Variants in RPA1 observed in about 807,000 individuals in gnomAD.
RPA1 encodes replication protein A1.
In RPA1, 49 loss-of-function variants were observed where a neutral mutation model predicts 83.0. The ratio of observed to expected loss-of-function variants is 0.59; its 90% CI spans 0.47 to 0.75. RPA1 has a LOEUF of 0.75. Among genes scored for constraint, RPA1 ranks in the 30% least tolerant of loss-of-function variants. RPA1 has a pLI of 0.00. For synonymous variants in RPA1, 279 were observed against 281.8 expected (o/e 0.99, Z 0.10); for missense variants, 693 against 776.1 (o/e 0.89, Z 1.27).
intron 13 of RPA1, among the ~76,000 whole-genome samples, chr17:1,887,946 T>C (rs17339060): frequency 1.2e-4 from 19 of 152,170 alleles, no homozygotes; most frequent in African/African-American, 4.6e-4. Context: ...TTACTGTCTT[T>C]ATGTGACACA....
intron 14 of RPA1, among the ~76,000 whole-genome samples, chr17:1,889,550 A>G (rs1914127825): frequency 1.3e-5 from 2 of 152,068 alleles, no homozygotes; most frequent in Admixed American, 1.3e-4. Flanking sequence ...TCTGCTGTTC[A>G]GGTTGGTCTC....
In RPA1 at chr17:1,880,924, A is replaced by AAGTG. The variant is rs1218884177; in HGVS notation, c.1241+234_1241+237dup. Among the ~76,000 whole-genome samples, 6 of 152,334 alleles carry AAGTG rather than the reference A, an allele frequency of 3.9e-5. No homozygotes were observed. In the East Asian group the frequency reaches 1.2e-3, roughly 29 times the overall value. ...GAGTCGGAGGAGGCAATTAGCATGT[A>AAGTG]AGTGCTGCCTGCTGACCTCGATCCT... is the stretch of plus-strand genomic sequence containing the variant. On this transcript the variant is annotated intron_variant, in intron 12 of 16. Coordinates refer to ENST00000254719, the MANE Select transcript of RPA1 (RefSeq NM_002945.5).
In RPA1 at chr17:1,879,107, T is replaced by C. The variant is rs535444280; in HGVS notation, c.759+46T>C. On this transcript the variant is annotated intron_variant, in intron 9 of 16. Transcript: ENST00000254719. ...GAACTGACACCGCCTGGGGGTGGAG[T>C]GCGGATGAAAAGACGCTGGCCCAGG... is the stretch of plus-strand genomic sequence containing the variant. 12 of 1,612,350 alleles carry C rather than the reference T, an allele frequency of 7.4e-6. No individual in the cohort carries two copies. In the African/African-American group the frequency reaches 1.5e-4, roughly 20 times the overall value.
chr17:1,893,735 G>C (rs1336912531), intron 15 of RPA1, among the ~76,000 whole-genome samples: 3 of 151,718 alleles, frequency 2.0e-5, no homozygotes, highest in Non-Finnish European at 4.4e-5. Context: ...GAAAAGGATT[G>C]TTTTTAGGCC....
rs1343462940 is a variant in RPA1 at position 1,879,699 on chromosome 17, T to C, written c.1092T>C (p.Asp364=). 6.2e-7 allele frequency: 1 copy of C among 1,614,054 alleles called. No homozygotes were observed. The highest frequency in any genetic ancestry group is 8.5e-7 in the Non-Finnish European group (1 of 1,180,034). ...TGACTGCTACACTGTGGGGGGAAGA[T>C]GTAAGTGCTGGGATGGGGTCTTCAA... The part of the protein sequence containing the change: ...KVVTATLWGE[D]ADKFDGSRQP... Residue 364 remains aspartate (D), a splice_region_variant and synonymous_variant, in exon 11 of 17, where the codon GAT becomes GAC. Transcript: ENST00000254719.
Position 1,842,871 on chromosome 17 carries a change from T to A in RPA1, c.84+18T>A. On this transcript the variant is annotated intron_variant, in intron 2 of 16. Transcript: ENST00000254719. ...AAGTCATCGTAAGTACCTGCGTATG[T>A]TATGTTCCATGTCAACTTCTTTGGA... The A allele has an allele frequency of 2.5e-6, 4 of 1,612,216 alleles. No homozygotes were observed. Among genetic ancestry groups the A allele is most frequent in the Non-Finnish European group, 3.4e-6 (4 of 1,178,298 alleles).
In RPA1 at chr17:1,879,051, A is replaced by G. The variant is rs1457855299; in HGVS notation, c.749A>G (p.Glu250Gly). The G allele has an allele frequency of 6.2e-7, 1 of 1,614,168 alleles. No homozygotes were observed. Among genetic ancestry groups the G allele is most frequent in the Admixed American group, 1.7e-5 (1 of 60,020 alleles). ...EQVDKFFPLI[E>G]VNKVYYFSKG... ...GTGGACAAGTTCTTTCCTCTTATTG[A>G]AGTGAACAAGGTATGGCCGTGCTGA... is the stretch of plus-strand genomic sequence containing the variant. Residue 250 changes from glutamate to glycine, a missense_variant, in exon 9 of 17, where the codon GAA becomes GGA. Physicochemically the swap from Glu to Gly is moderately conservative, Grantham distance 98. Coordinates refer to ENST00000254719, the MANE Select transcript of RPA1 (RefSeq NM_002945.5).
chr17:1,848,472 A>G (rs1416518477), intron 4 of RPA1, among the ~76,000 whole-genome samples: 1 of 151,312 alleles, frequency 6.6e-6, no homozygotes, highest in African/African-American at 2.4e-5. Flanking sequence ...TCAGCCGGGC[A>G]TGGTGGCACA....
chr17:1,873,170 C>G (rs900324611), intron 6 of RPA1, among the ~76,000 whole-genome samples: 4 of 152,206 alleles, frequency 2.6e-5, no homozygotes, highest in African/African-American at 9.6e-5. Context: ...TGGCTCATCT[C>G]TCTCCGAGTT....
At chr17:1,896,088 A>C (rs545609838) in intron 16 of RPA1, among the ~76,000 whole-genome samples, 2 of 152,310 alleles carry the variant, frequency 1.3e-5, no homozygotes, top group South Asian at 4.1e-4. Flanking sequence ...CTATATGTAG[A>C]AACTGTGGTT....
chr17:1,883,758 A>C lies in RPA1; in HGVS notation c.1242-54A>C, dbSNP rs771334396. On this transcript the variant is annotated intron_variant, in intron 12 of 16. Coordinates refer to ENST00000254719, the MANE Select transcript of RPA1 (RefSeq NM_002945.5). ...CGTAGCAGCAAGTTGCATGTGGAGAAGCAGAAGCATGTCACATCAAGCGCT... is the reference window on the plus strand; with the variant it reads ...CGTAGCAGCAAGTTGCATGTGGAGACGCAGAAGCATGTCACATCAAGCGCT... 1.8e-5 allele frequency: 29 copies of C among 1,608,308 alleles called. No individual in the cohort carries two copies. The South Asian group carries it at 3.2e-4, about 18-fold the overall frequency.
chr17:1,865,629 A>G (rs1913147825), intron 5 of RPA1, among the ~76,000 whole-genome samples: 1 of 152,072 alleles, frequency 6.6e-6, no homozygotes, highest in Non-Finnish European at 1.5e-5. Flanking sequence ...CCTGCCACCC[A>G]CTGCTGCCCT....
intron 12 of RPA1, among the ~76,000 whole-genome samples, chr17:1,881,251 A>G (rs998881576): frequency 5.3e-5 from 8 of 152,212 alleles, no homozygotes; most frequent in African/African-American, 1.9e-4. Flanking sequence ...GTCTTAAAAG[A>G]GTACTTCAAA....
At chr17:1,869,202 G>A (rs533709425) in intron 5 of RPA1, among the ~76,000 whole-genome samples, 1 of 152,178 alleles carries the variant, frequency 6.6e-6, no homozygotes, top group East Asian at 1.9e-4. Context: ...AATGATAGGT[G>A]TGAGTGCAAA....
At chr17:1,883,739 A>C in intron 12 of RPA1, 73 bp from the exon 13 acceptor site, 1 of 1,600,278 alleles carries the variant, frequency 6.2e-7, no homozygotes, top group South Asian at 1.1e-5. Flanking sequence ...GTCGCGTAGC[A>C]GCAAGTTGCA....
rs1401182348 is a variant in RPA1 at position 1,830,025 on chromosome 17, G to T, written c.-69G>T. On this transcript the variant is annotated 5_prime_UTR_variant, in exon 1 of 17. Coordinates refer to ENST00000254719, the MANE Select transcript of RPA1 (RefSeq NM_002945.5). ...AACTTCTCGGGCCAATAACTGCGCA[G>T]CGCGCGGGACCCGGGTGGGGAAGCT... 2.4e-6 allele frequency: 3 copies of T among 1,239,474 alleles called. No homozygotes were observed. The East Asian group carries it at 9.5e-5, about 39-fold the overall frequency. 76.8% of individuals were successfully genotyped at this position (1,239,474 alleles called of 1,614,324 possible). A position where few individuals can be genotyped will look rare whatever the true frequency, so the allele number is the denominator to read the frequency against.
intron 5 of RPA1, among the ~76,000 whole-genome samples, chr17:1,868,104 A>G (rs1913248089): frequency 6.6e-6 from 1 of 152,140 alleles, no homozygotes; most frequent in Non-Finnish European, 1.5e-5. Flanking sequence ...AAAAAAGAAA[A>G]TAAACATAGG....
rs538015159 is a variant in RPA1, at chr17:1,846,927, TG to T, written c.272+2242del. Among the ~76,000 whole-genome samples the T allele has an allele frequency of 1.5e-3, 231 of 152,322 alleles. 1 individual carries two copies. The highest frequency in any genetic ancestry group is 5.4e-3 in the African/African-American group (226 of 41,592). ...ATGTATAATAGTATTGATTTTGTTC[TG>T]TTTTTTTCTTAGCTGTTCAAGCTCC... On this transcript the variant is annotated intron_variant, in intron 4 of 16. Coordinates refer to ENST00000254719, the MANE Select transcript of RPA1 (RefSeq NM_002945.5).
At chr17:1,837,795 G>T (rs1470736322) in intron 1 of RPA1, among the ~76,000 whole-genome samples, 1 of 152,172 alleles carries the variant, frequency 6.6e-6, no homozygotes, top group Non-Finnish European at 1.5e-5. Flanking sequence ...TGAGTTGTGA[G>T]AATTCTTGAT....
Sources: allele counts gnomAD v4.1 joint callset (sites outside exome capture counted in the v4.1 genomes callset), GRCh38; gene constraint gnomAD v4.1.1; transcripts MANE v1.5; gene names NCBI Gene and HGNC (gene_info 2026-07-23, HGNC 2026-07-21).